Variants in RBFOX1 observed in about 807,000 individuals in gnomAD.
The protein encoded by RBFOX1 is RNA binding fox-1 homolog 1.
Under a neutral mutation model 57.7 loss-of-function variants are expected in RBFOX1, and 8 were observed. That is an observed-to-expected ratio of 0.14 (90% CI 0.08 to 0.25). RBFOX1 has a LOEUF of 0.25. Ranked by LOEUF, RBFOX1 falls within the 10% of genes least tolerant of loss-of-function variation. The pLI is 1.00. For missense variants in RBFOX1, 611 were observed against 548.5 expected (o/e 1.11, Z -1.14); for synonymous variants, 326 against 222.4 (o/e 1.47, Z -4.15).
intron 3 of RBFOX1, among the ~76,000 whole-genome samples, chr16:6,967,683 T>G (rs2084582693): frequency 1.3e-5 from 2 of 152,016 alleles, no homozygotes; most frequent in African/African-American, 4.8e-5. Flanking sequence ...AGGGCCTGGT[T>G]CAAGACATTG....
chr16:6,011,642 A>C (rs1398607701), intron 4 of RBFOX1, among the ~76,000 whole-genome samples: 2 of 152,178 alleles, frequency 1.3e-5, no homozygotes, highest in African/African-American at 2.4e-5. Flanking sequence ...CTTCTGCACA[A>C]GTCCTAAACG....
Position 7,228,991 on chromosome 16 carries a change from G to C in RBFOX1, c.27+176893G>C, listed in dbSNP as rs1040939422. On this transcript the variant is annotated intron_variant, in intron 4 of 15. Transcript: ENST00000550418. ...GGTCAAGTGAGGGGAAGATGAGCTGGAAGGATGGGGAATAGCAGGCTAAGA... is the reference window on the plus strand; with the variant it reads ...GGTCAAGTGAGGGGAAGATGAGCTGCAAGGATGGGGAATAGCAGGCTAAGA... 2.0e-5 allele frequency among the ~76,000 whole-genome samples: 3 copies of C among 152,232 alleles called. No individual in the cohort carries two copies. The South Asian group carries it at 6.2e-4, about 32-fold the overall frequency.
intron 3 of RBFOX1, among the ~76,000 whole-genome samples, chr16:6,872,251 A>G (rs866890857): frequency 6.6e-6 from 1 of 152,202 alleles, no homozygotes; most frequent in African/African-American, 2.4e-5. Context: ...ATTGTTGTGT[A>G]AATGAATAAA....
intron 4 of RBFOX1, among the ~76,000 whole-genome samples, chr16:7,409,228 C>G (rs1597700820): frequency 6.6e-6 from 1 of 152,168 alleles, no homozygotes; most frequent in African/African-American, 2.4e-5. Context: ...CTGATGTGGT[C>G]TTATCAGGCT....
At chr16:6,003,215 C>G (rs10852672) in intron 4 of RBFOX1, among the ~76,000 whole-genome samples, 105,185 of 150,182 alleles carry the variant, frequency 0.7, 37,085 homozygotes, top group Middle Eastern at 0.79. Flanking sequence ...GGAGGCGGAG[C>G]TTCCGGTGAG....
At chr16:6,227,076 A>G (rs1259338981) in intron 1 of RBFOX1, among the ~76,000 whole-genome samples, 1 of 151,894 alleles carries the variant, frequency 6.6e-6, no homozygotes, top group Non-Finnish European at 1.5e-5. Flanking sequence ...GTGAGCCGAG[A>G]TTGTGCCACT....
chr16:6,775,690 G>C (rs1192133575), intron 3 of RBFOX1: 1 of 152,128 alleles, frequency 6.6e-6, no homozygotes, highest in Non-Finnish European at 1.5e-5. Context: ...CTTGTCTTTC[G>C]TCAAATTAGT....
In RBFOX1 at chr16:5,518,067, A is replaced by G. The variant is rs539650018; in HGVS notation, c.258+50813A>G. ...TTAATATTATTTAAAGAGTGCAAAC[A>G]TAAAACAACCTATAAATGCCTTATG... On this transcript the variant is annotated intron_variant, in intron 2 of 2. Transcript: ENST00000585867. 2.6e-5 allele frequency among the ~76,000 whole-genome samples: 4 copies of G among 152,334 alleles called. No homozygotes were observed. The East Asian group carries it at 7.7e-4, about 29-fold the overall frequency.
At chr16:6,012,028 C>A (rs990539500) in intron 4 of RBFOX1, among the ~76,000 whole-genome samples, 1 of 152,222 alleles carries the variant, frequency 6.6e-6, no homozygotes, top group African/African-American at 2.4e-5. Context: ...CCACTCACTT[C>A]CACAGAGCTG....
intron 2 of RBFOX1, among the ~76,000 whole-genome samples, chr16:6,510,015 G>T (rs904312848): frequency 7.9e-5 from 12 of 151,978 alleles, no homozygotes; most frequent in African/African-American, 2.9e-4. Flanking sequence ...TCAGGGCAGG[G>T]GTGGTGTCTG....
At chr16:6,829,470 C>A (rs1388838980) in intron 3 of RBFOX1, among the ~76,000 whole-genome samples, 1 of 133,736 alleles carries the variant, frequency 7.5e-6, no homozygotes, top group African/African-American at 3.1e-5. Flanking sequence ...AATGAAATAC[C>A]ACTCAACCAT....
At chr16:7,406,680 G>T (rs1429736645) in intron 4 of RBFOX1, among the ~76,000 whole-genome samples, 1 of 152,220 alleles carries the variant, frequency 6.6e-6, no homozygotes, top group African/African-American at 2.4e-5. Flanking sequence ...CACCTTCTGA[G>T]TCCCTTTTCA....
At chr16:6,233,429 A>G (rs1197102089) in intron 1 of RBFOX1, among the ~76,000 whole-genome samples, 5 of 151,928 alleles carry the variant, frequency 3.3e-5, no homozygotes, top group Admixed American at 1.3e-4. Flanking sequence ...CCCCACCTCC[A>G]CACCGCAACC....
At chr16:5,497,018 G>A (rs551535578) in intron 2 of RBFOX1, among the ~76,000 whole-genome samples, 5 of 152,236 alleles carry the variant, frequency 3.3e-5, no homozygotes, top group African/African-American at 1.2e-4. Context: ...CAGGGAGGGG[G>A]ATATTGAGTA....
At chr16:5,856,243 ATATATATG>A (rs2057048364) in intron 3 of RBFOX1, among the ~76,000 whole-genome samples, 3 of 41,156 alleles carry the variant, frequency 7.3e-5, no homozygotes, top group African/African-American at 2.4e-4. Context: ...ATATATGTGT[ATATATATG>A]TATATATATG....
intron 4 of RBFOX1, among the ~76,000 whole-genome samples, chr16:7,268,905 C>G (rs1375383558): frequency 1.3e-5 from 2 of 151,764 alleles, no homozygotes; most frequent in African/African-American, 4.8e-5. Flanking sequence ...AGCGTGGTGG[C>G]AAATGCCTGC....
At chr16:6,684,760 G>A (rs2059176288) in intron 3 of RBFOX1, among the ~76,000 whole-genome samples, 1 of 152,210 alleles carries the variant, frequency 6.6e-6, no homozygotes, top group Non-Finnish European at 1.5e-5. Context: ...TAACTGGTCA[G>A]CAAAGTAATT....
intron 4 of RBFOX1, among the ~76,000 whole-genome samples, chr16:7,219,304 G>A (rs897984383): frequency 2.0e-5 from 3 of 152,192 alleles, no homozygotes; most frequent in African/African-American, 7.2e-5. Flanking sequence ...GTAAGACACA[G>A]CAAATAAATA....
At chr16:6,300,319 C>A (rs574010825) in intron 1 of RBFOX1, among the ~76,000 whole-genome samples, 1 of 152,098 alleles carries the variant, frequency 6.6e-6, no homozygotes, top group Non-Finnish European at 1.5e-5. Flanking sequence ...TAAAAGAGTA[C>A]GTTTTAAGTG....
Sources: allele counts gnomAD v4.1 joint callset (sites outside exome capture counted in the v4.1 genomes callset), GRCh38; gene constraint gnomAD v4.1.1; transcripts MANE v1.5; gene names NCBI Gene and HGNC (gene_info 2026-07-23, HGNC 2026-07-21).